The following ERC2 variants were observed in gnomAD, a reference collection of about 807,000 sequenced individuals.
ERC2 encodes the protein ELKS/RAB6-interacting/CAST family member 2, also known as ERC protein 2.
A neutral mutation model predicts 114.8 loss-of-function variants in ERC2; 42 were observed. The observed-to-expected ratio is 0.37, with a 90% CI of 0.29 to 0.47. The LOEUF is 0.47. ERC2 is among the 20% of genes least tolerant of loss of function. The pLI is 0.99. For missense variants in ERC2, 939 were observed against 1,150.7 expected, an observed-to-expected ratio of 0.82 and a Z score of 2.66; for synonymous variants, 454 against 425.5, an observed-to-expected ratio of 1.07 and a Z score of -0.82.
At chr3:56,413,929 A>T (rs1158417974) in intron 2 of ERC2, among the ~76,000 whole-genome samples, 1 of 152,206 alleles carries the variant, frequency 6.6e-6, no homozygotes, top group African/African-American at 2.4e-5. Context: ...CCCTTGTCTG[A>T]TCACTTCTAC....
chr3:56,009,279 A>G (rs190887332), intron 9 of ERC2, among the ~76,000 whole-genome samples: 8 of 152,154 alleles, frequency 5.3e-5, no homozygotes, highest in African/African-American at 1.9e-4. Context: ...GTCATCACAG[A>G]TCCTCCAACT....
chr3:56,401,504 G>T (rs755800000), intron 2 of ERC2, among the ~76,000 whole-genome samples: 12 of 152,172 alleles, frequency 7.9e-5, no homozygotes, highest in Non-Finnish European at 1.3e-4. Flanking sequence ...CATGCAGATA[G>T]CTGCAGAATA....
At chr3:55,687,895 G>A (rs1056297120) in intron 16 of ERC2, among the ~76,000 whole-genome samples, 2 of 152,238 alleles carry the variant, frequency 1.3e-5, no homozygotes, top group Non-Finnish European at 2.9e-5. Context: ...GCTTAGGCAT[G>A]AGCCTGCAAA....
At chr3:55,752,947 G>A (rs989998676) in intron 14 of ERC2, among the ~76,000 whole-genome samples, 1 of 152,160 alleles carries the variant, frequency 6.6e-6, no homozygotes. Context: ...GCAGCCGACC[G>A]CAGCTCTACA....
intron 12 of ERC2, among the ~76,000 whole-genome samples, chr3:55,967,635 T>C (rs11917737): frequency 0.27 from 40,547 of 152,080 alleles, 5,702 homozygotes; most frequent in Admixed American, 0.34. Flanking sequence ...GAAAGCAACA[T>C]TTTATCTGCT....
At chr3:56,171,986 A>C (rs1575676901) in intron 4 of ERC2, among the ~76,000 whole-genome samples, 1 of 141,880 alleles carries the variant, frequency 7.0e-6, no homozygotes, top group Admixed American at 7.0e-5. Flanking sequence ...AACAAAAAAC[A>C]AAAAAAAAAA....
chr3:55,763,868 A>T (rs2067601602), intron 14 of ERC2, among the ~76,000 whole-genome samples: 2 of 152,204 alleles, frequency 1.3e-5, no homozygotes, highest in African/African-American at 4.8e-5. Context: ...TTCCCTATAT[A>T]ATAGTACCTA....
At chr3:56,027,613 G>A (rs889178971) in intron 7 of ERC2, among the ~76,000 whole-genome samples, 2 of 152,116 alleles carry the variant, frequency 1.3e-5, no homozygotes, top group African/African-American at 2.4e-5. Flanking sequence ...CTGTCTGTAA[G>A]TCTCCTTCGG....
intron 17 of ERC2, among the ~76,000 whole-genome samples, chr3:55,515,112 C>T (rs972157967): frequency 1.3e-5 from 2 of 152,142 alleles, no homozygotes; most frequent in Non-Finnish European, 2.9e-5. Flanking sequence ...GAACGGGGAA[C>T]TGTGATAGGG....
intron 17 of ERC2, among the ~76,000 whole-genome samples, chr3:55,584,066 G>C (rs571069252): frequency 6.6e-6 from 1 of 152,278 alleles, no homozygotes; most frequent in South Asian, 2.1e-4. Flanking sequence ...CTAACACATG[G>C]AAAGTGCTTG....
At chr3:55,943,895 T>C (rs2066967808) in intron 13 of ERC2, among the ~76,000 whole-genome samples, 1 of 152,106 alleles carries the variant, frequency 6.6e-6, no homozygotes, top group South Asian at 2.1e-4. Flanking sequence ...CCCTCCTCTC[T>C]CTCTAGAACT....
chr3:55,762,720 C>A (rs1319314453), intron 14 of ERC2, among the ~76,000 whole-genome samples: 1 of 152,096 alleles, frequency 6.6e-6, no homozygotes, highest in Admixed American at 6.5e-5. Context: ...TAACCTGTAT[C>A]ACAAATACGG....
chr3:56,010,346 C>A (rs760349887), intron 9 of ERC2, 103 bp downstream of exon 9: 65 of 1,365,126 alleles, frequency 4.8e-5, no homozygotes, highest in Non-Finnish European at 6.4e-5. Flanking sequence ...ATTCCCCAAG[C>A]CTTCATACAG....
At chr3:55,624,300 C>T (rs532321649) in intron 17 of ERC2, among the ~76,000 whole-genome samples, 16 of 152,070 alleles carry the variant, frequency 1.1e-4, no homozygotes, top group Non-Finnish European at 2.2e-4. Context: ...GGGGCCCATG[C>T]GGGAGGAATG....
At chr3:55,681,823 C>T (rs1559493378) in intron 17 of ERC2, among the ~76,000 whole-genome samples, 3 of 152,202 alleles carry the variant, frequency 2.0e-5, no homozygotes, top group Admixed American at 6.5e-5. Context: ...AGATTTCCTA[C>T]GGGTCTTGGA....
In ERC2 at chr3:55,814,491, T is replaced by C. The variant is rs893442157; in HGVS notation, c.2564+73898A>G. The stretch of plus-strand genomic sequence containing the variant: ...AACTTTATTTTTACATTTTGAAGTA[T>C]GAATCACATTCTCTACTCTTCCCTT... On this transcript the variant is annotated intron_variant, in intron 14 of 17. Transcript: ENST00000288221. Among the ~76,000 whole-genome samples the C allele has an allele frequency of 4.6e-5, 7 of 152,240 alleles. 1 individual carries two copies. The highest frequency in any genetic ancestry group is 1.3e-4 in the Admixed American group (2 of 15,280).
intron 15 of ERC2, among the ~76,000 whole-genome samples, chr3:55,733,462 T>TCA (rs778422761): frequency 0.023 from 2,380 of 101,480 alleles, 37 homozygotes; most frequent in Middle Eastern, 0.046. Context: ...TCTCTCTCTC[T>TCA]CTCACACACA....
intron 6 of ERC2, among the ~76,000 whole-genome samples, chr3:56,092,090 T>C (rs2077825643): frequency 6.6e-6 from 1 of 152,210 alleles, no homozygotes; most frequent in Non-Finnish European, 1.5e-5. Context: ...CTCATACAAT[T>C]TGAATTCAAA....
At chr3:56,182,483 T>C (rs1031516188) in intron 3 of ERC2, among the ~76,000 whole-genome samples, 2 of 152,236 alleles carry the variant, frequency 1.3e-5, no homozygotes, top group African/African-American at 4.8e-5. Flanking sequence ...TAACAGTTAC[T>C]TACACATTGC....
Sources: allele counts gnomAD v4.1 joint callset (sites outside exome capture counted in the v4.1 genomes callset), GRCh38; gene constraint gnomAD v4.1.1; transcripts MANE v1.5; gene names NCBI Gene and HGNC (gene_info 2026-07-23, HGNC 2026-07-21).